The following ARHGEF18 variants were observed in gnomAD, a reference collection of about 807,000 sequenced individuals.
The protein encoded by ARHGEF18 is rho guanine nucleotide exchange factor 18.
Under a neutral mutation model 155.7 loss-of-function variants are expected in ARHGEF18, and 93 were observed. That is an observed-to-expected ratio of 0.60 (90% CI 0.50 to 0.71). ARHGEF18 has a LOEUF of 0.71. Among genes scored for constraint, ARHGEF18 ranks in the 30% least tolerant of loss-of-function variants. The probability of loss-of-function intolerance (pLI) is 0.00; values close to 1 mark genes in which losing one functional copy is unlikely to be tolerated. For missense variants in ARHGEF18, 1,593 were observed against 1,816.1 expected, an observed-to-expected ratio of 0.88 and a Z score of 2.23; for synonymous variants, 742 against 753.1, an observed-to-expected ratio of 0.99 and a Z score of 0.24.
chr19:7,370,896 C>T (rs1347248391), intron 2 of ARHGEF18, among the ~76,000 whole-genome samples: 1 of 146,332 alleles, frequency 6.8e-6, no homozygotes, highest in Admixed American at 6.6e-5. Flanking sequence ...TTTACCACAC[C>T]CCGCTTTTTT....
chr19:7,390,384 C>G (rs1305737253), intron 10 of ARHGEF18: 1 of 151,884 alleles, frequency 6.6e-6, no homozygotes, highest in Non-Finnish European at 1.5e-5. Context: ...TGGCACATGC[C>G]TGTAATCGCA....
chr19:7,376,229 T>C (rs1410526123), intron 4 of ARHGEF18, among the ~76,000 whole-genome samples: 1 of 152,046 alleles, frequency 6.6e-6, no homozygotes. Flanking sequence ...GTGTCTGTGG[T>C]TGGGGTATGC....
intron 10 of ARHGEF18, among the ~76,000 whole-genome samples, chr19:7,389,183 C>A (rs1971250610): frequency 6.6e-6 from 1 of 151,038 alleles, no homozygotes; most frequent in Non-Finnish European, 1.5e-5. Flanking sequence ...CAGAGTCTCG[C>A]TCTGTTGCCC....
chr19:7,459,891 C>A lies in ARHGEF18; in HGVS notation c.2361-12C>A. 6.4e-7 allele frequency: 1 copy of A among 1,562,730 alleles called. No individual in the cohort carries two copies. The highest frequency in any genetic ancestry group is 1.2e-5 in the South Asian group (1 of 84,860). The stretch of plus-strand genomic sequence containing the variant: ...GGAAGCACAGTTACCCACCCGACTC[C>A]TCTCCCTGCAGCTGCCCTGACGAGG... On this transcript the variant is annotated splice_polypyrimidine_tract_variant and intron_variant, in intron 19 of 28. Transcript: ENST00000668164.
chr19:7,406,926 G>T (rs966355950), intron 10 of ARHGEF18, among the ~76,000 whole-genome samples: 1 of 151,830 alleles, frequency 6.6e-6, no homozygotes, highest in African/African-American at 2.4e-5. Context: ...TTAGCCGGGC[G>T]TGGTGGCGGG....
rs768320883 is a variant in ARHGEF18, at chr19:7,456,698, G to A, written c.2181+295G>A. Among the ~76,000 whole-genome samples the A allele has an allele frequency of 9.2e-5, 14 of 152,138 alleles. No homozygotes were observed. In the South Asian group the frequency reaches 1.4e-3, roughly 16 times the overall value. On this transcript the variant is annotated intron_variant, in intron 18 of 28. Coordinates refer to ENST00000668164, the MANE Select transcript of ARHGEF18 (RefSeq NM_001367823.1). ...TGCCACTGCTCTCCAGCAAGACTGC[G>A]CCACTGCTCTCCCGCCTGGGCAACA... is the stretch of plus-strand genomic sequence containing the variant.
chr19:7,359,920 C>T (rs566844851), intron 1 of ARHGEF18, among the ~76,000 whole-genome samples: 8 of 152,120 alleles, frequency 5.3e-5, no homozygotes, highest in African/African-American at 1.7e-4. Flanking sequence ...TTTGGGAGGC[C>T]GAGGTGGGAG....
chr19:7,403,249 G>A lies in ARHGEF18; in HGVS notation c.967+20046G>A, dbSNP rs981210670. On this transcript the variant is annotated intron_variant, in intron 10 of 28. Coordinates refer to ENST00000668164, the MANE Select transcript of ARHGEF18 (RefSeq NM_001367823.1). ...GAGCCCACCACACCCGGCCAAATCA[G>A]TGATTTTTACTATGTTCACAGAGTG... Among the ~76,000 whole-genome samples, 5 of 152,084 alleles carry A rather than the reference G, an allele frequency of 3.3e-5. No homozygotes were observed. In the South Asian group the frequency reaches 1.0e-3, roughly 32 times the overall value.
the ARHGEF18 span, chr19:7,478,372 G>C: frequency 6.2e-7 from 1 of 1,609,926 alleles, no homozygotes; most frequent in Non-Finnish European, 8.5e-7. Context: ...AGCATCCACA[G>C]GGACCTGCAG....
intron 10 of ARHGEF18, among the ~76,000 whole-genome samples, chr19:7,425,500 GGT>G (rs779862028): frequency 4.0e-5 from 6 of 150,314 alleles, no homozygotes; most frequent in Admixed American, 2.7e-4. Flanking sequence ...TGGCCAACAT[GGT>G]GACACCCCGT....
chr19:7,406,271 G>C (rs1162410878), intron 10 of ARHGEF18, among the ~76,000 whole-genome samples: 3 of 152,074 alleles, frequency 2.0e-5, no homozygotes, highest in Non-Finnish European at 4.4e-5. Flanking sequence ...TTTTAGTAGA[G>C]ACAGGGTTTC....
intron 10 of ARHGEF18, among the ~76,000 whole-genome samples, chr19:7,431,172 A>G (rs114434918): frequency 0.011 from 1,629 of 152,102 alleles, 24 homozygotes; most frequent in African/African-American, 0.037. Context: ...AAAAGATAAA[A>G]TAACAGTAGT....
At position 7,438,015 on chromosome 19, in the gene ARHGEF18, C is replaced by A. The variant is rs1214098941; in HGVS notation, c.968-2329C>A. 5.4e-5 allele frequency among the ~76,000 whole-genome samples: 7 copies of A among 130,206 alleles called. No individual in the cohort carries two copies. In the East Asian group the frequency reaches 1.5e-3, roughly 29 times the overall value. 85.4% of individuals were successfully genotyped at this position (130,206 alleles called of 152,430 possible). A position where few individuals can be genotyped will look rare whatever the true frequency, so the allele number is the denominator to read the frequency against. ...TCTCTCCTCCCCTCCCCTCCCCTCC[C>A]CTCCCTTCCCTTCCCCTCTCCTCTT... On this transcript the variant is annotated intron_variant, in intron 10 of 28. Transcript: ENST00000668164.
intron 15 of ARHGEF18, 118 bp downstream of exon 15, chr19:7,447,286 C>T (rs1010080606): frequency 1.0e-5 from 9 of 903,806 alleles, no homozygotes; most frequent in Middle Eastern, 3.7e-4. Context: ...GCCAGGAGAT[C>T]GAGACCGTCC....
At chr19:7,367,379 TG>T (rs1969931784) in intron 2 of ARHGEF18, among the ~76,000 whole-genome samples, 1 of 151,844 alleles carries the variant, frequency 6.6e-6, no homozygotes, top group African/African-American at 2.4e-5. Flanking sequence ...CGAGGTGGGA[TG>T]GTCACTTTAG....
chr19:7,386,218 G>A (rs1170024711), intron 10 of ARHGEF18, among the ~76,000 whole-genome samples: 4 of 144,320 alleles, frequency 2.8e-5, no homozygotes, highest in East Asian at 2.0e-4. Context: ...TGTAGAGACG[G>A]GCTCTTGCTA....
At chr19:7,458,355 T>C (rs74454731) in intron 18 of ARHGEF18, among the ~76,000 whole-genome samples, 157 bp from the exon 19 acceptor site, 4,488 of 150,504 alleles carry the variant, frequency 0.03, 154 homozygotes, top group African/African-American at 0.08. Context: ...GTATCTTTTT[T>C]CCCCCAGATG....
At chr19:7,376,622 G>A (rs1175460280) in intron 4 of ARHGEF18, 21 bp from the exon 5 acceptor site, 3 of 1,230,734 alleles carry the variant, frequency 2.4e-6, no homozygotes, top group Non-Finnish European at 3.0e-6. Context: ...CCAGCTTAGT[G>A]AGATGTTTAA....
At chr19:7,368,845 C>T (rs1970061432) in intron 2 of ARHGEF18, among the ~76,000 whole-genome samples, 2 of 152,042 alleles carry the variant, frequency 1.3e-5, no homozygotes, top group Non-Finnish European at 2.9e-5. Flanking sequence ...TGAGGGCCAG[C>T]CAGAGCTAGA....
Sources: allele counts gnomAD v4.1 joint callset (sites outside exome capture counted in the v4.1 genomes callset), GRCh38; gene constraint gnomAD v4.1.1; transcripts MANE v1.5; gene names NCBI Gene and HGNC (gene_info 2026-07-23, HGNC 2026-07-21).